PDE3A: variants seen among roughly 807,000 people sequenced by gnomAD.
PDE3A encodes cGMP-inhibited 3',5'-cyclic phosphodiesterase 3A.
A neutral mutation model predicts 98.3 loss-of-function variants in PDE3A; 43 were observed. The observed-to-expected ratio is 0.44, with a 90% CI of 0.34 to 0.56. PDE3A has a LOEUF of 0.56. Among genes scored for constraint, PDE3A ranks in the 20% least tolerant of loss-of-function variants. The pLI, the probability that PDE3A is intolerant of heterozygous loss-of-function variation, is 0.01. For missense variants in PDE3A, 1,427 were observed against 1,440.7 expected (o/e 0.99, Z 0.15); for synonymous variants, 663 against 567.9 (o/e 1.17, Z -2.38).
intron 1 of PDE3A, among the ~76,000 whole-genome samples, chr12:20,517,043 C>T (rs886136222): frequency 6.6e-6 from 1 of 152,222 alleles, no homozygotes; most frequent in Admixed American, 6.5e-5. Flanking sequence ...CAGGCATTTA[C>T]TGAATGGCAA....
At chr12:20,597,456 T>G (rs940698600) in intron 2 of PDE3A, among the ~76,000 whole-genome samples, 5 of 152,204 alleles carry the variant, frequency 3.3e-5, no homozygotes, top group Non-Finnish European at 7.4e-5. Context: ...TCTTTCACCC[T>G]TCTCACAATT....
At chr12:20,460,644 A>G (rs1945230123) in intron 1 of PDE3A, among the ~76,000 whole-genome samples, 1 of 152,224 alleles carries the variant, frequency 6.6e-6, no homozygotes, top group African/African-American at 2.4e-5. Context: ...CTACTTTTTC[A>G]TTATGGAAAG....
chr12:20,496,797 A>G (rs1945927984), intron 1 of PDE3A, among the ~76,000 whole-genome samples: 1 of 152,206 alleles, frequency 6.6e-6, no homozygotes, highest in South Asian at 2.1e-4. Flanking sequence ...CAAAGAGAAA[A>G]GTCTTCAACC....
At chr12:20,502,010 T>A (rs1048003980) in intron 1 of PDE3A, among the ~76,000 whole-genome samples, 4 of 152,172 alleles carry the variant, frequency 2.6e-5, no homozygotes, top group Admixed American at 2.6e-4. Flanking sequence ...GGAATACGGA[T>A]AATTGTTCAC....
At chr12:20,672,210 A>G (rs1945501645) in intron 15 of PDE3A, among the ~76,000 whole-genome samples, 2 of 148,544 alleles carry the variant, frequency 1.3e-5, no homozygotes, top group African/African-American at 2.5e-5. Flanking sequence ...ATAAAAACAA[A>G]TGGAAGAACA....
chr12:20,516,911 G>C (rs562631992), intron 1 of PDE3A, among the ~76,000 whole-genome samples: 7 of 152,128 alleles, frequency 4.6e-5, no homozygotes, highest in Non-Finnish European at 8.8e-5. Context: ...ACTAGGATGA[G>C]GAACTCTTTT....
chr12:20,369,402 G>A lies in PDE3A; in HGVS notation c.118G>A (p.Asp40Asn), dbSNP rs781724169. The change falls in exon 1 of 16, where the codon GAC (aspartate) becomes AAC (asparagine). Residue 40 changes from aspartate to asparagine, a missense_variant. Physicochemically the swap from Asp to Asn is conservative, Grantham distance 23. This residue lies in a region of PDE3A where 1,012 missense variants were observed against 886.5 expected (regional missense o/e 1.14). Coordinates refer to ENST00000359062, the MANE Select transcript of PDE3A (RefSeq NM_000921.5). ...HHRADPASPR[D>N]SGCRGCWGDL... ...TCGTGCGGACCCCGCATCGCCGCGG[G>A]ACTCGGGCTGCCGTGGCTGCTGGGG... The A allele has an allele frequency of 2.0e-5, 31 of 1,552,722 alleles. No homozygotes were observed. The highest frequency in any genetic ancestry group is 2.6e-5 in the Non-Finnish European group (30 of 1,148,898).
chr12:20,653,822 AG>A (rs2121519822), intron 14 of PDE3A, 124 bp from the exon 15 acceptor site: 1 of 960,090 alleles, frequency 1.0e-6, no homozygotes, highest in East Asian at 2.4e-5. Flanking sequence ...TAGGAACCTT[AG>A]CACTTGAGGT....
At chr12:20,557,401 G>A (rs1033699119) in intron 2 of PDE3A, among the ~76,000 whole-genome samples, 15 of 152,140 alleles carry the variant, frequency 9.9e-5, no homozygotes, top group Admixed American at 3.3e-4. Context: ...AGAGCACTTT[G>A]TGAAGAAATG....
chr12:20,570,192 A>C (rs150480015), intron 2 of PDE3A, among the ~76,000 whole-genome samples: 212 of 152,140 alleles, frequency 1.4e-3, no homozygotes, highest in Non-Finnish European at 2.4e-3. Context: ...GGATCACTTG[A>C]GGCCAGTGAT....
chr12:20,658,662 G>A (rs1945094150), intron 15 of PDE3A, among the ~76,000 whole-genome samples: 2 of 152,118 alleles, frequency 1.3e-5, no homozygotes, highest in Non-Finnish European at 2.9e-5. Context: ...CTAAAGTTAG[G>A]CTCCTACCTC....
chr12:20,392,174 T>G (rs1943929361), intron 1 of PDE3A, among the ~76,000 whole-genome samples: 1 of 152,030 alleles, frequency 6.6e-6, no homozygotes, highest in Non-Finnish European at 1.5e-5. Context: ...TCATCTGTCC[T>G]GTGCCTTTGG....
At chr12:20,508,503 G>T (rs1017538474) in intron 1 of PDE3A, among the ~76,000 whole-genome samples, 3 of 151,376 alleles carry the variant, frequency 2.0e-5, no homozygotes, top group South Asian at 2.1e-4. Flanking sequence ...AATATTTGTG[G>T]AATGATTTGA....
intron 15 of PDE3A, 35 bp from the exon 16 acceptor site, chr12:20,679,995 G>A: frequency 6.6e-6 from 10 of 1,512,796 alleles, no homozygotes; most frequent in East Asian, 2.4e-5. Flanking sequence ...CAACTAAGTA[G>A]TCTGATTTGG....
intron 1 of PDE3A, among the ~76,000 whole-genome samples, chr12:20,500,126 C>A (rs1445267036): frequency 1.3e-5 from 2 of 152,096 alleles, no homozygotes; most frequent in Admixed American, 1.3e-4. Flanking sequence ...CACAAAAATT[C>A]TCTTACTCAA....
chr12:20,621,644 T>C (rs374175479), intron 5 of PDE3A, among the ~76,000 whole-genome samples: 1 of 152,132 alleles, frequency 6.6e-6, no homozygotes, highest in East Asian at 1.9e-4. Flanking sequence ...AGATTTCCTA[T>C]CTTGAACTAA....
chr12:20,451,554 G>A (rs1043577572), intron 1 of PDE3A, among the ~76,000 whole-genome samples: 14 of 152,144 alleles, frequency 9.2e-5, no homozygotes, highest in African/African-American at 1.4e-4. Context: ...TGATCTGCCC[G>A]CCTCAGCCTC....
At chr12:20,533,375 C>T (rs912463546) in intron 1 of PDE3A, among the ~76,000 whole-genome samples, 19 of 151,882 alleles carry the variant, frequency 1.3e-4, no homozygotes, top group African/African-American at 4.6e-4. Flanking sequence ...CTCAAGACCT[C>T]CTTATCTCTT....
intron 2 of PDE3A, among the ~76,000 whole-genome samples, chr12:20,600,483 A>T (rs948188209): frequency 6.6e-6 from 1 of 151,930 alleles, no homozygotes; most frequent in Admixed American, 6.6e-5. Flanking sequence ...GTTTCCTCAG[A>T]CCTCTCCAGT....
Sources: allele counts gnomAD v4.1 joint callset (sites outside exome capture counted in the v4.1 genomes callset), GRCh38; gene constraint gnomAD v4.1.1; regional missense constraint gnomAD v4.1.1; transcripts MANE v1.5; gene names NCBI Gene and HGNC (gene_info 2026-07-23, HGNC 2026-07-21).